Variants in OR2T11 observed in about 807,000 individuals in gnomAD.
OR2T11 encodes the protein olfactory receptor family 2 subfamily T member 11, also known as olfactory receptor 2T11.
OR2T11 carries 14 observed loss-of-function variants against 13.5 expected under a neutral mutation model. The observed-to-expected ratio is 1.04, with a 90% CI of 0.69 to 1.62. The LOEUF (loss-of-function observed/expected upper bound fraction) is 1.62. Among genes scored for constraint, OR2T11 ranks in the 40% most tolerant of loss-of-function variants. The pLI, the probability that OR2T11 is intolerant of heterozygous loss-of-function variation, is 0.00. For synonymous variants in OR2T11, 163 were observed against 154.6 expected, an observed-to-expected ratio of 1.05 and a Z score of -0.40; for missense variants, 410 against 389.7, an observed-to-expected ratio of 1.05 and a Z score of -0.44.
intron 1 of OR2T11, among the ~76,000 whole-genome samples, chr1:248,629,497 A>G (rs1253119878): frequency 1.4e-5 from 2 of 141,096 alleles, no homozygotes; most frequent in South Asian, 2.2e-4. Context: ...ATCATGACAC[A>G]TTTTACCCTG....
chr1:248,626,289 G>A lies in OR2T11; in HGVS notation c.840C>T (p.Pro280=). 1 of 1,568,378 alleles carries A rather than the reference G, an allele frequency of 6.4e-7. No homozygotes were observed. The highest frequency in any genetic ancestry group is 1.1e-5 in the South Asian group (1 of 88,818). ...GGCTGTAGATGAGAGGATTAAGCATGGGCGTGACAATGGTATAGAAGGCTG... is the reference window on the plus strand; with the variant it reads ...GGCTGTAGATGAGAGGATTAAGCATAGGCGTGACAATGGTATAGAAGGCTG... ...VVSAFYTIVT[P]MLNPLIYSLR... Residue 280 remains proline, a synonymous_variant, in exon 2 of 2, where the codon CCC becomes CCT. Transcript: ENST00000641193.
rs1195950829 is a variant in OR2T11, at chr1:248,629,683, A to AT, written c.-144-2412dup. 2.9e-5 allele frequency among the ~76,000 whole-genome samples: 4 copies of AT among 139,126 alleles called. 2 individuals carry two copies. Among genetic ancestry groups the AT allele is most frequent in the African/African-American group, 1.2e-4 (4 of 34,408 alleles). The allele number at this position is 139,126 out of a possible 152,430, so 91.3% of individuals were successfully genotyped here. A position where few individuals can be genotyped will look rare whatever the true frequency, so the allele number is the denominator to read the frequency against. ...CATTAAGGCCCATCACGTTCTGAAC[A>AT]TTTTGTCTTCTGAAATGATCTCCCG... On this transcript the variant is annotated intron_variant, in intron 1 of 1. Transcript: ENST00000641193.
Position 248,626,804 on chromosome 1 carries a change from A to G in OR2T11, c.325T>C (p.Phe109Leu). 1 of 1,570,034 alleles carries G rather than the reference A, an allele frequency of 6.4e-7. No individual in the cohort carries two copies. Among genetic ancestry groups the G allele is most frequent in the Non-Finnish European group, 8.7e-7 (1 of 1,155,264 alleles). Reference protein sequence around the residue: ...FLYLTMIGSEFFLLGLMAYDC... With the variant: ...FLYLTMIGSELFLLGLMAYDC... ...TAGGCCATGAGGCCCAGGAGGAAGAACTCAGAACCAATCATGGTCAGGTAG... is the reference window on the plus strand; with the variant it reads ...TAGGCCATGAGGCCCAGGAGGAAGAGCTCAGAACCAATCATGGTCAGGTAG... The change falls in exon 2 of 2, where the codon TTC (phenylalanine) becomes CTC (leucine). Residue 109 changes from phenylalanine (F) to leucine (L), a missense_variant. Physicochemically the swap from Phe to Leu is conservative, Grantham distance 22. Transcript: ENST00000641193.
chr1:248,626,147 T>C lies in OR2T11; in HGVS notation c.*31A>G, dbSNP rs776426797. On this transcript the variant is annotated 3_prime_UTR_variant, in exon 2 of 2. Transcript: ENST00000641193. The stretch of plus-strand genomic sequence containing the variant: ...AAACAGGGCAAATGGAGGAAGTCCT[T>C]AGGAAGCCTTATCCTCTGGGCAGTG... The C allele has an allele frequency of 5.6e-6, 7 of 1,241,338 alleles. 1 individual carries two copies. The South Asian group carries it at 9.0e-5, about 16-fold the overall frequency. 76.9% of individuals were successfully genotyped at this position (1,241,338 alleles called of 1,614,324 possible).
intron 1 of OR2T11, among the ~76,000 whole-genome samples, chr1:248,629,165 G>C (rs150429797): frequency 7.0e-6 from 1 of 142,782 alleles, no homozygotes; most frequent in African/African-American, 2.8e-5. Flanking sequence ...CCAGCACTTA[G>C]GGAGGCCAGG....
At chr1:248,631,648 T>C (rs1329205944) in intron 1 of OR2T11, among the ~76,000 whole-genome samples, 1 of 143,400 alleles carries the variant, frequency 7.0e-6, no homozygotes, top group Non-Finnish European at 1.5e-5. Context: ...AGTGACAACA[T>C]GAAGTTAATA....
rs555752686 is a variant in OR2T11, at chr1:248,627,792, C to T, written c.-144-520G>A. On this transcript the variant is annotated intron_variant, in intron 1 of 1. Transcript: ENST00000641193. ...CTCACATTACTAATTTCTCACCCCTCGCTCCGCTTTCACCCCCTACTCTTC... is the reference window on the plus strand; with the variant it reads ...CTCACATTACTAATTTCTCACCCCTTGCTCCGCTTTCACCCCCTACTCTTC... Among the ~76,000 whole-genome samples the T allele has an allele frequency of 6.3e-5, 9 of 142,772 alleles. 1 individual carries two copies. Among genetic ancestry groups the T allele is most frequent in the Middle Eastern group, 3.4e-3 (1 of 292 alleles). The allele number at this position is 142,772 out of a possible 152,430, so 93.7% of individuals were successfully genotyped here.
rs752546856 is a variant in OR2T11 at position 248,628,163 on chromosome 1, A to C, written c.-144-891T>G. Among the ~76,000 whole-genome samples, 7 of 143,446 alleles carry C rather than the reference A, an allele frequency of 4.9e-5. 1 individual carries two copies. The highest frequency in any genetic ancestry group is 1.1e-4 in the Non-Finnish European group (7 of 66,272). 94.1% of individuals were successfully genotyped at this position (143,446 alleles called of 152,430 possible). ...CTTACCAGAACTGAGGCCAGAGCCAAACTCAGGCTTAGAAAGCTACGGAGC... is the reference window on the plus strand; with the variant it reads ...CTTACCAGAACTGAGGCCAGAGCCACACTCAGGCTTAGAAAGCTACGGAGC... On this transcript the variant is annotated intron_variant, in intron 1 of 1. Coordinates refer to ENST00000641193, the MANE Select transcript of OR2T11 (RefSeq NM_001001964.2).
chr1:248,625,935 TAAATA>T lies in OR2T11; in HGVS notation c.*238_*242del. ...TCTAATATTTGGGGTTTTTCTTCCC[TAAATA>T]AAAAGACTAGATAAATTATTTAACT... On this transcript the variant is annotated 3_prime_UTR_variant, in exon 2 of 2. Transcript: ENST00000641193. The T allele has an allele frequency of 3.2e-6, 1 of 316,828 alleles. No homozygotes were observed. The highest frequency in any genetic ancestry group is 5.7e-6 in the Non-Finnish European group (1 of 176,664). 19.6% of individuals were successfully genotyped at this position (316,828 alleles called of 1,614,324 possible). A position where few individuals can be genotyped will look rare whatever the true frequency, so the allele number is the denominator to read the frequency against.
chr1:248,623,702 C>A lies in OR2T11; in HGVS notation c.*2476G>T, dbSNP rs1660474397. 1 of 143,012 alleles carries A rather than the reference C, an allele frequency of 7.0e-6. No individual in the cohort carries two copies. The highest frequency in any genetic ancestry group is 1.5e-5 in the Non-Finnish European group (1 of 66,208). The allele number at this position is 143,012 out of a possible 1,614,324, so 8.9% of individuals were successfully genotyped here. On this transcript the variant is annotated 3_prime_UTR_variant, in exon 2 of 2. Coordinates refer to ENST00000641193, the MANE Select transcript of OR2T11 (RefSeq NM_001001964.2). ...AGGAATAAGTTTGTAGTAGTAACAG[C>A]AGTTGCTGCTGTTATTTTGTCCTTG...
At position 248,624,533 on chromosome 1, in the gene OR2T11, C is replaced by T. The variant is rs1382240241; in HGVS notation, c.*1645G>A. The stretch of plus-strand genomic sequence containing the variant: ...CACTTTGTCTTAGATTTCTTCTAAC[C>T]TCATAAAACCCTATCTTTCTAATTT... On this transcript the variant is annotated 3_prime_UTR_variant, in exon 2 of 2. Transcript: ENST00000641193. 7.0e-6 allele frequency: 1 copy of T among 143,306 alleles called. No individual in the cohort carries two copies. The highest frequency in any genetic ancestry group is 1.5e-5 in the Non-Finnish European group (1 of 66,302). The allele number at this position is 143,306 out of a possible 1,614,324, so 8.9% of individuals were successfully genotyped here.
Position 248,627,085 on chromosome 1 carries a change from A to G in OR2T11, c.44T>C (p.Leu15Pro), listed in dbSNP as rs1391335732. Residue 15 changes from leucine to proline, a missense_variant, in exon 2 of 2, where the codon CTG (leucine) becomes CCG (proline). Physicochemically the swap from Leu to Pro is moderately conservative, Grantham distance 98. Coordinates refer to ENST00000641193, the MANE Select transcript of OR2T11 (RefSeq NM_001001964.2). ...SSSDFTLLGL[L>P]VNSEAAGIVF... is the part of the protein sequence containing the mutation. ...AATCCCGGCAGCCTCACTGTTCACCAGAAGCCCCAGGAGGGTGAAGTCAGA... is the reference window on the plus strand; with the variant it reads ...AATCCCGGCAGCCTCACTGTTCACCGGAAGCCCCAGGAGGGTGAAGTCAGA... 5 of 1,568,590 alleles carry G rather than the reference A, an allele frequency of 3.2e-6. 1 individual carries two copies. The Admixed American group carries it at 8.6e-5, about 27-fold the overall frequency.
At chr1:248,634,841 A>G (rs1660664716) in intron 1 of OR2T11, among the ~76,000 whole-genome samples, 197 bp downstream of exon 1, 3 of 144,030 alleles carry the variant, frequency 2.1e-5, no homozygotes, top group African/African-American at 8.1e-5. Context: ...ATGCTAAATA[A>G]TTATCTAATT....
At chr1:248,628,319 T>C (rs1464245407) in intron 1 of OR2T11, among the ~76,000 whole-genome samples, 2 of 140,290 alleles carry the variant, frequency 1.4e-5, no homozygotes, top group Non-Finnish European at 3.1e-5. Flanking sequence ...ATCGCCCCCC[T>C]CTCCCCGCCA....
In OR2T11 at chr1:248,623,676, A is replaced by G. The variant is rs1660474076; in HGVS notation, c.*2502T>C. On this transcript the variant is annotated 3_prime_UTR_variant, in exon 2 of 2. Transcript: ENST00000641193. ...ATAAATATGACACACTTTATTCACAAAGGAATAAGTTTGTAGTAGTAACAG... is the reference window on the plus strand; with the variant it reads ...ATAAATATGACACACTTTATTCACAGAGGAATAAGTTTGTAGTAGTAACAG... The G allele has an allele frequency of 7.0e-6, 1 of 143,018 alleles. No homozygotes were observed. Among genetic ancestry groups the G allele is most frequent in the African/African-American group, 2.8e-5 (1 of 36,304 alleles). 8.9% of individuals were successfully genotyped at this position (143,018 alleles called of 1,614,324 possible). A position where few individuals can be genotyped will look rare whatever the true frequency, so the allele number is the denominator to read the frequency against.
At position 248,623,852 on chromosome 1, in the gene OR2T11, G is replaced by C. The variant is rs28625490; in HGVS notation, c.*2326C>G. ...ATTCATAAATTCAATGCAAAGGAGG[G>C]GGAGTCCGAAGGTTGTCCTACAACC... is the stretch of plus-strand genomic sequence containing the variant. On this transcript the variant is annotated 3_prime_UTR_variant, in exon 2 of 2. Coordinates refer to ENST00000641193, the MANE Select transcript of OR2T11 (RefSeq NM_001001964.2). 3 of 142,106 alleles carry C rather than the reference G, an allele frequency of 2.1e-5. 1 individual carries two copies. Among genetic ancestry groups the C allele is most frequent in the East Asian group, 2.0e-4 (1 of 4,902 alleles). 8.8% of individuals were successfully genotyped at this position (142,106 alleles called of 1,614,324 possible).
intron 1 of OR2T11, among the ~76,000 whole-genome samples, chr1:248,627,592 G>T (rs183760248): frequency 7.0e-6 from 1 of 143,168 alleles, no homozygotes; most frequent in African/African-American, 2.8e-5. Context: ...AGAAATGAAG[G>T]GTTAGGATAA....
In OR2T11 at chr1:248,630,034, A is replaced by G. The variant is rs2103102868; in HGVS notation, c.-144-2762T>C. 1.4e-5 allele frequency among the ~76,000 whole-genome samples: 2 copies of G among 143,816 alleles called. 1 individual carries two copies. The highest frequency in any genetic ancestry group is 4.4e-4 in the South Asian group (2 of 4,572). 94.3% of individuals were successfully genotyped at this position (143,816 alleles called of 152,430 possible). The stretch of plus-strand genomic sequence containing the variant: ...CTATTTTGTTAACTGTACTCTCACC[A>G]TCTAAAGATACGACTGGCACATTGT... On this transcript the variant is annotated intron_variant, in intron 1 of 1. Coordinates refer to ENST00000641193, the MANE Select transcript of OR2T11 (RefSeq NM_001001964.2).
Position 248,626,959 on chromosome 1 carries a change from T to A in OR2T11, c.170A>T (p.Tyr57Phe), listed in dbSNP as rs755551437. 3 of 1,572,040 alleles carry A rather than the reference T, an allele frequency of 1.9e-6. No homozygotes were observed. The East Asian group carries it at 6.9e-5, about 36-fold the overall frequency. The change falls in exon 2 of 2, where the codon TAC becomes TTC. Residue 57 changes from tyrosine to phenylalanine, a missense_variant. By Grantham distance (22) the Tyr-to-Phe change is conservative. Coordinates refer to ENST00000641193, the MANE Select transcript of OR2T11 (RefSeq NM_001001964.2). ...QVDSRLHTPM[Y>F]FLLSQLSIMD... ...GATGGACAGCTGACTGAGCAGAAAGTACATGGGGGTGTGGAGGCGAGAGTC... is the reference window on the plus strand; with the variant it reads ...GATGGACAGCTGACTGAGCAGAAAGAACATGGGGGTGTGGAGGCGAGAGTC...
Sources: allele counts gnomAD v4.1 joint callset (sites outside exome capture counted in the v4.1 genomes callset), GRCh38; gene constraint gnomAD v4.1.1; transcripts MANE v1.5; gene names NCBI Gene and HGNC (gene_info 2026-07-23, HGNC 2026-07-21).